HPSE2: variants seen among roughly 807,000 people sequenced by gnomAD.
HPSE2 encodes inactive heparanase-2.
HPSE2 carries 38 observed loss-of-function variants against 60.5 expected under a neutral mutation model. The ratio of observed to expected loss-of-function variants is 0.63; its 90% confidence interval spans 0.48 to 0.82. HPSE2 has a LOEUF of 0.82. Among genes scored for constraint, HPSE2 ranks in the 40% least tolerant of loss-of-function variants. HPSE2 has a pLI of 0.00. For synonymous variants in HPSE2, 295 were observed against 293.2 expected, an observed-to-expected ratio of 1.01 and a Z score of -0.06; for missense variants, 713 against 740.4, an observed-to-expected ratio of 0.96 and a Z score of 0.43.
chr10:99,232,451 G>A lies in HPSE2; in HGVS notation c.345C>T (p.Phe115=), dbSNP rs766127132. 1.1e-5 allele frequency: 17 copies of A among 1,558,958 alleles called. 1 individual carries two copies. In the Middle Eastern group the frequency reaches 1.8e-3, roughly 166 times the overall value. The change falls in exon 2 of 12, where the codon TTC becomes TTT. Residue 115 remains phenylalanine (F), a synonymous_variant. Coordinates refer to ENST00000370552, the MANE Select transcript of HPSE2 (RefSeq NM_021828.5). The part of the protein sequence containing the change: ...ARGLSPAFLR[F]GGKRTDFLQF... Reference sequence around the variant, plus strand: ...GCAGGAAGTCGGTCCTTTTGCCCCCGAAGCGCAGAAAGGCGGGCGAAAGTC... The same window carrying A: ...GCAGGAAGTCGGTCCTTTTGCCCCCAAAGCGCAGAAAGGCGGGCGAAAGTC...
chr10:98,819,447 C>A (rs1368220105), intron 3 of HPSE2, among the ~76,000 whole-genome samples: 1 of 115,652 alleles, frequency 8.6e-6, no homozygotes, highest in Non-Finnish European at 1.8e-5. Context: ...TTAACCAGTT[C>A]TCTTGGCCCC....
At chr10:99,135,151 C>A (rs1195658921) in intron 3 of HPSE2, among the ~76,000 whole-genome samples, 2 of 152,120 alleles carry the variant, frequency 1.3e-5, no homozygotes, top group Non-Finnish European at 2.9e-5. Flanking sequence ...TGGATCAATG[C>A]AGCAAGAAGA....
Position 98,458,850 on chromosome 10 carries a change from G to A in HPSE2, c.*724C>T, listed in dbSNP as rs1940157238. 1 of 154,276 alleles carries A rather than the reference G, an allele frequency of 6.5e-6. No individual in the cohort carries two copies. The highest frequency in any genetic ancestry group is 1.4e-5 in the Non-Finnish European group (1 of 69,426). 9.6% of individuals were successfully genotyped at this position (154,276 alleles called of 1,614,324 possible). On this transcript the variant is annotated 3_prime_UTR_variant, in exon 12 of 12. Coordinates refer to ENST00000370552, the MANE Select transcript of HPSE2 (RefSeq NM_021828.5). Reference sequence around the variant, plus strand: ...ACTTGACTCCCATTACAACTCTGGGGGAATCTGGATTCACAGAGGAATAGA... The same window carrying A: ...ACTTGACTCCCATTACAACTCTGGGAGAATCTGGATTCACAGAGGAATAGA...
chr10:99,141,377 C>G (rs1400549994), intron 3 of HPSE2, among the ~76,000 whole-genome samples: 1 of 152,134 alleles, frequency 6.6e-6, no homozygotes, highest in African/African-American at 2.4e-5. Flanking sequence ...TCCCTGTAAC[C>G]TTAGAGTTTA....
At chr10:98,538,163 C>T (rs182716810) in intron 9 of HPSE2, among the ~76,000 whole-genome samples, 54 of 152,268 alleles carry the variant, frequency 3.5e-4, no homozygotes, top group African/African-American at 1.1e-3. Context: ...GGGGCCACTA[C>T]CGGTCTCTGC....
intron 3 of HPSE2, among the ~76,000 whole-genome samples, chr10:98,931,979 G>C (rs1214977348): frequency 1.4e-5 from 2 of 143,550 alleles, no homozygotes; most frequent in East Asian, 4.0e-4. Context: ...TTGCCTAATT[G>C]CACTGGCCAG....
intron 7 of HPSE2, among the ~76,000 whole-genome samples, chr10:98,625,612 T>C (rs989289442): frequency 5.3e-5 from 8 of 152,206 alleles, no homozygotes; most frequent in African/African-American, 9.7e-5. Context: ...AAGTCATCAA[T>C]AGGTCCTTGG....
intron 3 of HPSE2, among the ~76,000 whole-genome samples, chr10:99,063,826 C>T (rs1842526861): frequency 6.6e-6 from 1 of 152,218 alleles, no homozygotes; most frequent in African/African-American, 2.4e-5. Context: ...GGCGCAGTGG[C>T]TTACACCTGT....
At chr10:98,682,242 T>C (rs1947805473) in intron 6 of HPSE2, among the ~76,000 whole-genome samples, 1 of 152,232 alleles carries the variant, frequency 6.6e-6, no homozygotes, top group South Asian at 2.1e-4. Flanking sequence ...GCTGTCATCA[T>C]GTGATGTGTG....
Position 98,721,556 on chromosome 10 carries a change from C to A in HPSE2, c.956+101G>T. ...AAGAGTCCCTCCTTTTTTCTTAAGA[C>A]CAAAATAAATAAATAAATAAATAAA... On this transcript the variant is annotated intron_variant, in intron 5 of 11. Coordinates refer to ENST00000370552, the MANE Select transcript of HPSE2 (RefSeq NM_021828.5). The A allele has an allele frequency of 2.7e-6, 3 of 1,112,268 alleles. No homozygotes were observed. The South Asian group carries it at 4.3e-5, about 16-fold the overall frequency. 68.9% of individuals were successfully genotyped at this position (1,112,268 alleles called of 1,614,324 possible).
intron 3 of HPSE2, among the ~76,000 whole-genome samples, chr10:98,859,278 A>G (rs1283822544): frequency 6.6e-6 from 1 of 152,192 alleles, no homozygotes. Context: ...ACACACATAT[A>G]CACTATCTGG....
chr10:98,508,923 C>G (rs941255986), intron 9 of HPSE2, among the ~76,000 whole-genome samples: 2 of 152,100 alleles, frequency 1.3e-5, no homozygotes, highest in Non-Finnish European at 2.9e-5. Context: ...AAATGAGAAG[C>G]CATTGCAGAA....
At chr10:98,579,608 T>C (rs1439738196) in intron 9 of HPSE2, among the ~76,000 whole-genome samples, 1 of 152,190 alleles carries the variant, frequency 6.6e-6, no homozygotes, top group East Asian at 1.9e-4. Flanking sequence ...CCTAATTCTG[T>C]CAGCTGTGCT....
intron 3 of HPSE2, among the ~76,000 whole-genome samples, chr10:98,848,784 G>A (rs972793600): frequency 1.3e-5 from 2 of 152,126 alleles, no homozygotes; most frequent in Non-Finnish European, 2.9e-5. Context: ...CAACCACGAT[G>A]AAAAAGTACC....
At chr10:99,160,559 A>G (rs1365292284) in intron 2 of HPSE2, among the ~76,000 whole-genome samples, 6 of 151,800 alleles carry the variant, frequency 4.0e-5, no homozygotes, top group African/African-American at 9.7e-5. Flanking sequence ...TAACAAACTC[A>G]CTCCTGAGAG....
At chr10:98,759,452 T>C (rs1949957005) in intron 3 of HPSE2, among the ~76,000 whole-genome samples, 2 of 152,152 alleles carry the variant, frequency 1.3e-5, no homozygotes. Flanking sequence ...TTTCATCCAT[T>C]TTGAATTAAA....
rs1238575086 is a variant in HPSE2 at position 98,513,422 on chromosome 10, T to A, written c.1321-23226A>T. On this transcript the variant is annotated intron_variant, in intron 9 of 11. Transcript: ENST00000370552. ...TGGGGGAGATGCTCAAACTAGAGAA[T>A]TGAGTGGAATGGAGACCCGTGAAGC... 2.0e-5 allele frequency among the ~76,000 whole-genome samples: 3 copies of A among 152,076 alleles called. No individual in the cohort carries two copies. In the East Asian group the frequency reaches 5.8e-4, roughly 29 times the overall value.
At chr10:98,641,721 A>G in intron 7 of HPSE2, 126 bp downstream of exon 7, 1 of 780,522 alleles carries the variant, frequency 1.3e-6, no homozygotes, top group Non-Finnish European at 2.3e-6. Context: ...GCCCATCTAG[A>G]CTGCACTATT....
chr10:98,695,463 G>A (rs1340287541), intron 5 of HPSE2, among the ~76,000 whole-genome samples: 3 of 152,174 alleles, frequency 2.0e-5, no homozygotes, highest in African/African-American at 7.2e-5. Flanking sequence ...AACGTGGGCT[G>A]GAGGGAATGT....
Sources: allele counts gnomAD v4.1 joint callset (sites outside exome capture counted in the v4.1 genomes callset), GRCh38; gene constraint gnomAD v4.1.1; transcripts MANE v1.5; gene names NCBI Gene and HGNC (gene_info 2026-07-23, HGNC 2026-07-21).